The following KATNA1 variants were observed in gnomAD, a reference collection of about 807,000 sequenced individuals.
KATNA1 encodes katanin p60 ATPase-containing subunit A1.
A neutral mutation model predicts 62.6 loss-of-function variants in KATNA1; 42 were observed. That is an observed-to-expected ratio of 0.67 (90% CI 0.52 to 0.87). The LOEUF is 0.87. Among genes scored for constraint, KATNA1 ranks in the 40% least tolerant of loss-of-function variants. KATNA1 has a pLI of 0.00. For missense variants in KATNA1, 498 were observed against 612.5 expected (o/e 0.81, Z 1.97); for synonymous variants, 186 against 201.9 (o/e 0.92, Z 0.67).
At chr6:149,610,733 A>C (rs1778917398) in intron 4 of KATNA1, among the ~76,000 whole-genome samples, 4 of 152,160 alleles carry the variant, frequency 2.6e-5, no homozygotes, top group African/African-American at 9.7e-5. Context: ...AGAGCACTAA[A>C]TGCATATGTT....
intron 4 of KATNA1, among the ~76,000 whole-genome samples, chr6:149,619,133 C>T (rs950161054): frequency 1.3e-5 from 2 of 151,922 alleles, no homozygotes; most frequent in East Asian, 1.9e-4. Context: ...GAGCAAAAAA[C>T]CCCCCACAAA....
chr6:149,644,288 GTC>G (rs560398974), intron 1 of KATNA1, among the ~76,000 whole-genome samples: 102 of 151,862 alleles, frequency 6.7e-4, no homozygotes, highest in African/African-American at 2.4e-3. Context: ...TTCCTTAATA[GTC>G]TCCCTGGAGA....
At position 149,645,334 on chromosome 6, in the gene KATNA1, T is replaced by C. The variant is rs372870311; in HGVS notation, c.-14+3135A>G. Among the ~76,000 whole-genome samples the C allele has an allele frequency of 4.6e-5, 7 of 151,910 alleles. No individual in the cohort carries two copies. In the East Asian group the frequency reaches 7.7e-4, roughly 17 times the overall value. On this transcript the variant is annotated intron_variant, in intron 1 of 10. Coordinates refer to ENST00000367411, the MANE Select transcript of KATNA1 (RefSeq NM_007044.4). Reference sequence around the variant, plus strand: ...GGCCAGCGCCTGTAGTCCCAGCTACTTGGGAGGCTGAGGCAGGAGAATGGC... The same window carrying C: ...GGCCAGCGCCTGTAGTCCCAGCTACCTGGGAGGCTGAGGCAGGAGAATGGC...
intron 4 of KATNA1, among the ~76,000 whole-genome samples, chr6:149,618,831 A>G (rs1330853894): frequency 1.3e-5 from 2 of 152,220 alleles, no homozygotes; most frequent in Admixed American, 1.3e-4. Flanking sequence ...AACCAACTCA[A>G]AATAAATTAA....
At chr6:149,616,283 T>C (rs1779163692) in intron 4 of KATNA1, among the ~76,000 whole-genome samples, 1 of 152,204 alleles carries the variant, frequency 6.6e-6, no homozygotes, top group Admixed American at 6.5e-5. Context: ...AAATGTCAAC[T>C]ATATGATTGG....
chr6:149,632,300 G>C (rs1488637681), intron 3 of KATNA1, among the ~76,000 whole-genome samples: 1 of 151,792 alleles, frequency 6.6e-6, no homozygotes, highest in Non-Finnish European at 1.5e-5. Flanking sequence ...ACTTGAACCC[G>C]GGAGGCAGAG....
chr6:149,635,547 A>G (rs527542867), intron 2 of KATNA1, among the ~76,000 whole-genome samples: 8 of 151,774 alleles, frequency 5.3e-5, no homozygotes, highest in African/African-American at 1.7e-4. Flanking sequence ...TCTCTACTAA[A>G]AGTACAAAAA....
chr6:149,608,957 A>G (rs1379203589), intron 4 of KATNA1, among the ~76,000 whole-genome samples: 1 of 152,236 alleles, frequency 6.6e-6, no homozygotes, highest in Middle Eastern at 3.2e-3. Flanking sequence ...GGTTTAAATA[A>G]GATCTAGAGT....
At chr6:149,638,829 C>T (rs922090853) in intron 1 of KATNA1, among the ~76,000 whole-genome samples, 41 of 150,776 alleles carry the variant, frequency 2.7e-4, no homozygotes, top group African/African-American at 7.0e-4. Context: ...CTCTGCCTCC[C>T]GGGTTCAAGC....
At chr6:149,630,782 G>C (rs1365759993) in intron 3 of KATNA1, among the ~76,000 whole-genome samples, 1 of 151,988 alleles carries the variant, frequency 6.6e-6, no homozygotes, top group Non-Finnish European at 1.5e-5. Flanking sequence ...AGTTCTACCT[G>C]CTATCTACCA....
intron 10 of KATNA1, 63 bp downstream of exon 10, chr6:149,596,987 TCAAAAAACAAAAC>T (rs1778343076): frequency 2.0e-6 from 3 of 1,498,906 alleles, no homozygotes; most frequent in South Asian, 2.4e-5. Flanking sequence ...AGACTGTGTC[TCAAAAAACAAAAC>T]CAAAAAACTT....
At chr6:149,600,194 TAAAAAAAAA>T (rs67468519) in intron 7 of KATNA1, among the ~76,000 whole-genome samples, 8 of 67,994 alleles carry the variant, frequency 1.2e-4, no homozygotes, top group African/African-American at 4.9e-4. Context: ...GAGCTTATCT[TAAAAAAAAA>T]AAAAAAAAAA....
intron 4 of KATNA1, among the ~76,000 whole-genome samples, chr6:149,609,814 A>AAAAAAAAAAAAAAAAAAAAAAC (rs1562284874): frequency 3.5e-5 from 5 of 141,648 alleles, no homozygotes; most frequent in African/African-American, 1.4e-4. Context: ...AAAAAAAAAA[A>AAAAAAAAAAAAAAAAAAAAAAC]AATAGGCCAG....
At chr6:149,603,422 A>G (rs776310250) in intron 5 of KATNA1, 49 bp from the exon 6 acceptor site, 6 of 860,536 alleles carry the variant, frequency 7.0e-6, no homozygotes, top group Non-Finnish European at 9.6e-6. Context: ...ATACATGTCT[A>G]TGCAGTCACT....
upstream of KATNA1, chr6:149,648,854 A>C (rs1018906255): frequency 6.6e-6 from 1 of 152,316 alleles, no homozygotes; most frequent in African/African-American, 2.4e-5. Context: ...GGGATAGTAT[A>C]GACCTTGGTG....
chr6:149,619,960 T>TATACATAC (rs57598954), intron 4 of KATNA1, among the ~76,000 whole-genome samples: 8 of 151,380 alleles, frequency 5.3e-5, no homozygotes, highest in African/African-American at 9.7e-5. Flanking sequence ...GTGGCATGCA[T>TATACATAC]ATACATACAT....
At chr6:149,602,910 G>A (rs1210325527) in intron 6 of KATNA1, among the ~76,000 whole-genome samples, 4 of 151,558 alleles carry the variant, frequency 2.6e-5, no homozygotes, top group African/African-American at 7.3e-5. Flanking sequence ...TAGTAGAGAC[G>A]GGGTTTCTCC....
chr6:149,623,306 A>G, intron 3 of KATNA1, 23 bp from the exon 4 acceptor site: 1 of 1,550,172 alleles, frequency 6.5e-7, no homozygotes, highest in Non-Finnish European at 8.7e-7. Context: ...AAACTCATTA[A>G]TATCATAATC....
intron 1 of KATNA1, among the ~76,000 whole-genome samples, chr6:149,646,689 T>A (rs1780498627): frequency 6.6e-6 from 1 of 152,162 alleles, no homozygotes; most frequent in African/African-American, 2.4e-5. Context: ...AGAAAAAAAG[T>A]ACATATAAAG....
Sources: allele counts gnomAD v4.1 joint callset (sites outside exome capture counted in the v4.1 genomes callset), GRCh38; gene constraint gnomAD v4.1.1; transcripts MANE v1.5; gene names NCBI Gene and HGNC (gene_info 2026-07-23, HGNC 2026-07-21).